COL22A1: variants seen among roughly 807,000 people sequenced by gnomAD.
COL22A1 encodes collagen alpha-1(XXII) chain.
Under a neutral mutation model 248.9 loss-of-function variants are expected in COL22A1, and 221 were observed. The observed-to-expected ratio is 0.89, with a 90% CI of 0.80 to 0.99. The LOEUF (loss-of-function observed/expected upper bound fraction) is 0.99. Ranked by LOEUF, COL22A1 falls within the 50% of genes least tolerant of loss-of-function variation. The pLI, the probability that COL22A1 is intolerant of heterozygous loss-of-function variation, is 0.00. For missense variants in COL22A1, 2,240 were observed against 2,179.0 expected (o/e 1.03, Z -0.56); for synonymous variants, 891 against 793.4 (o/e 1.12, Z -2.07).
At chr8:138,803,738 A>G (rs151089109) in intron 10 of COL22A1, among the ~76,000 whole-genome samples, 4 of 152,346 alleles carry the variant, frequency 2.6e-5, no homozygotes, top group Non-Finnish European at 5.9e-5. Context: ...ATCTCCTGCC[A>G]TCTCATGAGC....
chr8:138,780,109 CA>C (rs2131522337), intron 13 of COL22A1, among the ~76,000 whole-genome samples: 1 of 152,276 alleles, frequency 6.6e-6, no homozygotes, highest in Non-Finnish European at 1.5e-5. Flanking sequence ...TGGAAGTCAA[CA>C]AAATTAACTT....
chr8:138,727,945 C>T (rs2131191047), intron 23 of COL22A1, among the ~76,000 whole-genome samples: 1 of 152,310 alleles, frequency 6.6e-6, no homozygotes, highest in South Asian at 2.1e-4. Context: ...AGCTTGGCCC[C>T]TCACTTCTCT....
intron 36 of COL22A1, among the ~76,000 whole-genome samples, chr8:138,690,055 T>G (rs1384054144): frequency 6.6e-6 from 1 of 152,220 alleles, no homozygotes; most frequent in Non-Finnish European, 1.5e-5. Context: ...CCAGCAGGGT[T>G]GCTGTGCAGA....
intron 4 of COL22A1, among the ~76,000 whole-genome samples, chr8:138,839,317 G>C (rs1295550087): frequency 6.6e-6 from 1 of 152,140 alleles, no homozygotes; most frequent in Admixed American, 6.5e-5. Flanking sequence ...AGGGTACACT[G>C]GCTGGGAATA....
intron 16 of COL22A1, among the ~76,000 whole-genome samples, chr8:138,764,947 C>T (rs1281338663): frequency 6.6e-6 from 1 of 152,192 alleles, no homozygotes; most frequent in East Asian, 1.9e-4. Context: ...CAGAGTGAGA[C>T]TCTGTCTCAA....
chr8:138,684,758 G>T (rs548719900), intron 38 of COL22A1, among the ~76,000 whole-genome samples: 1 of 152,170 alleles, frequency 6.6e-6, no homozygotes, highest in African/African-American at 2.4e-5. Flanking sequence ...GCGCAAGTAA[G>T]GGGCAAGGCC....
intron 23 of COL22A1, among the ~76,000 whole-genome samples, chr8:138,729,998 C>G (rs965561345): frequency 3.9e-5 from 6 of 152,150 alleles, no homozygotes; most frequent in African/African-American, 1.4e-4. Context: ...CCTGTGAGGA[C>G]CTGGACGTGA....
chr8:138,785,269 A>C (rs944595081), intron 12 of COL22A1, among the ~76,000 whole-genome samples: 6 of 152,166 alleles, frequency 3.9e-5, no homozygotes, highest in African/African-American at 1.4e-4. Context: ...TGAGCAATAA[A>C]GTGGGCTCAG....
chr8:138,885,717 C>A (rs911430041), intron 1 of COL22A1, among the ~76,000 whole-genome samples: 4 of 152,144 alleles, frequency 2.6e-5, no homozygotes, highest in African/African-American at 9.7e-5. Context: ...GCATGCGCCA[C>A]CACACCCGGC....
intron 30 of COL22A1, among the ~76,000 whole-genome samples, chr8:138,710,761 G>A (rs1226961936): frequency 6.6e-6 from 1 of 152,112 alleles, no homozygotes; most frequent in African/African-American, 2.4e-5. Context: ...TCTGACTAAA[G>A]TTCCAGTAGC....
At chr8:138,668,773 C>T (rs1466220049) in intron 41 of COL22A1, among the ~76,000 whole-genome samples, 1 of 152,208 alleles carries the variant, frequency 6.6e-6, no homozygotes, top group Non-Finnish European at 1.5e-5. Flanking sequence ...TTATGTGAAG[C>T]ACTCCAGGTG....
chr8:138,725,752 GACACAC>G (rs66497386), intron 23 of COL22A1, among the ~76,000 whole-genome samples: 3,394 of 148,624 alleles, frequency 0.023, 55 homozygotes, highest in Middle Eastern at 0.04. Flanking sequence ...CACATGTGCA[GACACAC>G]ACACACACAC....
intron 56 of COL22A1, among the ~76,000 whole-genome samples, chr8:138,610,854 A>G (rs1458833085): frequency 6.6e-6 from 1 of 152,242 alleles, no homozygotes; most frequent in Non-Finnish European, 1.5e-5. Flanking sequence ...GCCTGAGCCC[A>G]GGAATCTGAG....
At chr8:138,613,043 T>C (rs1205669138) in intron 56 of COL22A1, among the ~76,000 whole-genome samples, 1 of 146,700 alleles carries the variant, frequency 6.8e-6, no homozygotes. Flanking sequence ...GGTCAGGAGA[T>C]AGAGACCATC....
intron 35 of COL22A1, among the ~76,000 whole-genome samples, chr8:138,692,664 G>A (rs1215185337): frequency 2.0e-5 from 3 of 152,056 alleles, no homozygotes; most frequent in African/African-American, 7.2e-5. Flanking sequence ...CTTGGAGGCT[G>A]CCCATGTTTC....
intron 49 of COL22A1, among the ~76,000 whole-genome samples, chr8:138,632,539 T>C (rs1278977994): frequency 6.6e-6 from 1 of 152,188 alleles, no homozygotes; most frequent in Non-Finnish European, 1.5e-5. Context: ...TTGATGTCTT[T>C]CCAGCAGCCT....
chr8:138,659,578 A>C (rs1327466362), intron 44 of COL22A1, among the ~76,000 whole-genome samples: 1 of 152,008 alleles, frequency 6.6e-6, no homozygotes, highest in Admixed American at 6.5e-5. Context: ...CTCTCTCTCC[A>C]TCCGCACAGC....
At chr8:138,793,214 C>T (rs954630271) in intron 12 of COL22A1, among the ~76,000 whole-genome samples, 1 of 152,186 alleles carries the variant, frequency 6.6e-6, no homozygotes, top group Non-Finnish European at 1.5e-5. Flanking sequence ...TTGGAGACAA[C>T]GGTCAGCTAA....
intron 16 of COL22A1, among the ~76,000 whole-genome samples, chr8:138,773,031 C>T (rs1202160810): frequency 1.3e-5 from 2 of 151,954 alleles, no homozygotes; most frequent in East Asian, 1.9e-4. Flanking sequence ...GGGGACAGGC[C>T]CCCCAGTTAA....
Sources: gnomAD v4.1 joint callset for allele counts (sites outside exome capture counted in the v4.1 genomes callset) on GRCh38, gnomAD v4.1.1 for gene constraint, MANE v1.5 for transcripts, NCBI Gene and HGNC (gene_info 2026-07-23, HGNC 2026-07-21) for gene names.